DLG2: variants seen among roughly 807,000 people sequenced by gnomAD.
DLG2 encodes discs large MAGUK scaffold protein 2, also known as disks large homolog 2.
A neutral mutation model predicts 132.5 loss-of-function variants in DLG2; 45 were observed. The ratio of observed to expected loss-of-function variants is 0.34; its 90% CI spans 0.27 to 0.44. The LOEUF is 0.44. Ranked by LOEUF, DLG2 falls within the 20% of genes least tolerant of loss-of-function variation. The pLI is 1.00. For synonymous variants in DLG2, 424 were observed against 419.6 expected (o/e 1.01, Z -0.13); for missense variants, 1,045 against 1,196.9 (o/e 0.87, Z 1.87).
chr11:85,152,770 A>G (rs1469982059), intron 5 of DLG2, among the ~76,000 whole-genome samples: 1 of 152,132 alleles, frequency 6.6e-6, no homozygotes, highest in Non-Finnish European at 1.5e-5. Context: ...TCTCAGTCTG[A>G]TATGTGTCCT....
At chr11:85,261,651 G>T (rs2076947630) in intron 4 of DLG2, among the ~76,000 whole-genome samples, 1 of 152,150 alleles carries the variant, frequency 6.6e-6, no homozygotes, top group African/African-American at 2.4e-5. Flanking sequence ...GATTCATAAA[G>T]GTAGCAGGCA....
intron 6 of DLG2, among the ~76,000 whole-genome samples, chr11:85,052,187 A>C (rs537483211): frequency 6.6e-6 from 1 of 152,320 alleles, no homozygotes; most frequent in East Asian, 1.9e-4. Context: ...GCAAGGAGGT[A>C]TAATGAAGGT....
intron 19 of DLG2, among the ~76,000 whole-genome samples, chr11:83,618,704 G>GA (rs2061201905): frequency 6.6e-6 from 1 of 152,132 alleles, no homozygotes; most frequent in East Asian, 1.9e-4. Context: ...GATTGAGTTA[G>GA]AATTCTACAG....
chr11:84,191,406 G>A (rs1221367377), intron 8 of DLG2, among the ~76,000 whole-genome samples: 1 of 152,082 alleles, frequency 6.6e-6, no homozygotes, highest in East Asian at 1.9e-4. Context: ...GTATATAGCT[G>A]CCTTTTAAAA....
chr11:84,117,513 C>A (rs190039126), intron 9 of DLG2, among the ~76,000 whole-genome samples: 3 of 152,290 alleles, frequency 2.0e-5, no homozygotes, highest in Admixed American at 6.5e-5. Flanking sequence ...TAAAGACACT[C>A]ATTCCATTTC....
chr11:83,540,731 T>G (rs752613497), intron 20 of DLG2, among the ~76,000 whole-genome samples: 2 of 152,204 alleles, frequency 1.3e-5, no homozygotes, highest in Non-Finnish European at 2.9e-5. Context: ...CTGGGAATAT[T>G]TTACAAAGGC....
intron 7 of DLG2, among the ~76,000 whole-genome samples, chr11:84,280,709 T>G (rs911331623): frequency 9.2e-5 from 14 of 151,968 alleles, no homozygotes; most frequent in Non-Finnish European, 1.8e-4. Flanking sequence ...TGTTTTTTGT[T>G]TTTTTTGAGA....
At chr11:84,768,599 T>C (rs2153883369) in intron 6 of DLG2, among the ~76,000 whole-genome samples, 1 of 152,274 alleles carries the variant, frequency 6.6e-6, no homozygotes, top group South Asian at 2.1e-4. Flanking sequence ...TGTCTACCCC[T>C]ACATGCAGTG....
At chr11:84,729,685 T>G (rs1027547235) in intron 6 of DLG2, among the ~76,000 whole-genome samples, 1 of 152,062 alleles carries the variant, frequency 6.6e-6, no homozygotes, top group Admixed American at 6.6e-5. Context: ...AAGTCATACT[T>G]AGAATGTTTG....
intron 7 of DLG2, among the ~76,000 whole-genome samples, chr11:84,469,181 A>C (rs2099102164): frequency 6.6e-6 from 1 of 151,694 alleles, no homozygotes; most frequent in Non-Finnish European, 1.5e-5. Flanking sequence ...GGTATAGTTA[A>C]ATGATGAATA....
intron 6 of DLG2, among the ~76,000 whole-genome samples, chr11:84,834,178 A>G (rs565859479): frequency 6.6e-6 from 1 of 151,802 alleles, no homozygotes; most frequent in Non-Finnish European, 1.5e-5. Context: ...TTTACTTTGA[A>G]TGTGATAAGG....
intron 14 of DLG2, among the ~76,000 whole-genome samples, chr11:83,945,954 T>TTCCTTCCTTCCTTCCTTCC (rs374121363): frequency 6.9e-6 from 1 of 145,968 alleles, no homozygotes; most frequent in Non-Finnish European, 1.5e-5. Context: ...CCTTCCTTCC[T>TTCCTTCCTTCCTTCCTTCC]TTCCTTCCTT....
intron 8 of DLG2, among the ~76,000 whole-genome samples, chr11:84,233,850 G>A (rs1325567960): frequency 2.6e-5 from 4 of 152,124 alleles, no homozygotes; most frequent in Non-Finnish European, 5.9e-5. Flanking sequence ...TGTCATCTGT[G>A]AGACAGTAAA....
chr11:84,098,810 A>T lies in DLG2; in HGVS notation c.749+113T>A. Reference sequence around the variant, plus strand: ...TCATTTCAGGAAGCTTGCCTTAAAAATCTCTTTCAAGTACAGAACTTTTGT... The same window carrying T: ...TCATTTCAGGAAGCTTGCCTTAAAATTCTCTTTCAAGTACAGAACTTTTGT... On this transcript the variant is annotated intron_variant, in intron 10 of 27. Coordinates refer to ENST00000376104, the MANE Select transcript of DLG2 (RefSeq NM_001142699.3). The T allele has an allele frequency of 2.4e-6, 3 of 1,260,402 alleles. No homozygotes were observed. In the Admixed American group the frequency reaches 7.8e-5, roughly 33 times the overall value. The allele number at this position is 1,260,402 out of a possible 1,614,324, so 78.1% of individuals were successfully genotyped here.
chr11:85,482,012 C>A (rs2093306756), intron 3 of DLG2, among the ~76,000 whole-genome samples: 1 of 152,034 alleles, frequency 6.6e-6, no homozygotes, highest in Non-Finnish European at 1.5e-5. Flanking sequence ...AGCCCAGAGG[C>A]CCCAAGCTCC....
intron 10 of DLG2, among the ~76,000 whole-genome samples, chr11:84,081,569 T>C (rs764289263): frequency 1.3e-5 from 2 of 152,072 alleles, no homozygotes; most frequent in Non-Finnish European, 2.9e-5. Context: ...AGTGAGAACA[T>C]ATGGTGTTTG....
chr11:83,492,782 A>AC (rs1473690510), intron 21 of DLG2, among the ~76,000 whole-genome samples: 1 of 151,930 alleles, frequency 6.6e-6, no homozygotes, highest in Non-Finnish European at 1.5e-5. Context: ...ACCACCTCTC[A>AC]CCATCTCCAC....
chr11:85,288,360 T>C (rs935535561), intron 3 of DLG2, among the ~76,000 whole-genome samples: 2 of 152,122 alleles, frequency 1.3e-5, no homozygotes, highest in Admixed American at 6.6e-5. Flanking sequence ...TGTACAGATA[T>C]ACATCTTTCC....
chr11:85,215,629 A>C (rs1437271059), intron 4 of DLG2, among the ~76,000 whole-genome samples: 1 of 152,162 alleles, frequency 6.6e-6, no homozygotes, highest in Admixed American at 6.6e-5. Context: ...ACAAAATCTT[A>C]CTAAAACAAC....
Sources: allele counts gnomAD v4.1 joint callset (sites outside exome capture counted in the v4.1 genomes callset), GRCh38; gene constraint gnomAD v4.1.1; transcripts MANE v1.5; gene names NCBI Gene and HGNC (gene_info 2026-07-23, HGNC 2026-07-21).